The following ATP2B2 variants were observed in gnomAD, a reference collection of about 807,000 sequenced individuals.
The protein encoded by ATP2B2 is ATPase plasma membrane Ca2+ transporting 2, also known as plasma membrane calcium-transporting ATPase 2.
Under a neutral mutation model 120.0 loss-of-function variants are expected in ATP2B2, and 15 were observed. The observed-to-expected ratio is 0.12, with a 90% confidence interval of 0.08 to 0.19. The LOEUF is 0.19. Among genes scored for constraint, ATP2B2 ranks in the 10% least tolerant of loss-of-function variants. ATP2B2 has a pLI of 1.00. For missense variants in ATP2B2, 1,045 were observed against 1,719.8 expected (o/e 0.61, Z 6.94); for synonymous variants, 694 against 700.3 (o/e 0.99, Z 0.14).
intron 3 of ATP2B2, among the ~76,000 whole-genome samples, chr3:10,410,275 G>T (rs1374833726): frequency 6.6e-6 from 1 of 152,142 alleles, no homozygotes; most frequent in Non-Finnish European, 1.5e-5. Flanking sequence ...TGAACCCAGG[G>T]TTTCCTCATC....
At chr3:10,361,016 G>A (rs2060882886) in intron 12 of ATP2B2, among the ~76,000 whole-genome samples, 2 of 152,130 alleles carry the variant, frequency 1.3e-5, no homozygotes, top group African/African-American at 4.8e-5. Flanking sequence ...CATACAGTCT[G>A]TAACTTTCGG....
At position 10,668,741 on chromosome 3, in the gene ATP2B2, C is replaced by T. The variant is rs1559512744; in HGVS notation, c.-460+39174G>A. ...GCACATCCCACCATCTAACAACCTC[C>T]TGCATTCCGCTTGCTGTCTGTCACT... On this transcript the variant is annotated intron_variant, in intron 1 of 21. Coordinates refer to the ATP2B2 transcript ENST00000646379. Among the ~76,000 whole-genome samples, 4 of 152,328 alleles carry T rather than the reference C, an allele frequency of 2.6e-5. No individual in the cohort carries two copies. In the South Asian group the frequency reaches 8.3e-4, roughly 32 times the overall value.
chr3:10,654,403 T>C (rs1054527363), intron 1 of ATP2B2, among the ~76,000 whole-genome samples: 1 of 152,078 alleles, frequency 6.6e-6, no homozygotes. Flanking sequence ...GCTGGCTGAC[T>C]CAAGGAGGAG....
At chr3:10,434,272 AG>A (rs1360160461) in intron 2 of ATP2B2, among the ~76,000 whole-genome samples, 4 of 152,270 alleles carry the variant, frequency 2.6e-5, no homozygotes, top group Admixed American at 6.5e-5. Context: ...GTAGTTTCAA[AG>A]GAAGCTCTGG....
At chr3:10,644,443 A>G (rs183040706) in intron 1 of ATP2B2, among the ~76,000 whole-genome samples, 4 of 152,214 alleles carry the variant, frequency 2.6e-5, no homozygotes, top group African/African-American at 7.2e-5. Flanking sequence ...CAGGGACTCA[A>G]ACAAATATAG....
intron 2 of ATP2B2, among the ~76,000 whole-genome samples, chr3:10,563,085 C>G (rs200851524): frequency 6.6e-6 from 1 of 152,176 alleles, no homozygotes; most frequent in African/African-American, 2.4e-5. Context: ...TTCTGTTTTT[C>G]CTTTTTTAAA....
intron 1 of ATP2B2, among the ~76,000 whole-genome samples, chr3:10,681,416 T>C (rs1023489153): frequency 6.6e-6 from 1 of 152,150 alleles, no homozygotes; most frequent in African/African-American, 2.4e-5. Flanking sequence ...TGCACCCCCA[T>C]TGATCCTCAC....
intron 3 of ATP2B2, among the ~76,000 whole-genome samples, chr3:10,527,555 G>C (rs540232016): frequency 2.9e-3 from 439 of 152,242 alleles, no homozygotes; most frequent in Non-Finnish European, 4.0e-3. Context: ...GCCTGGGCCA[G>C]GGCTTGCCCT....
Position 10,378,519 on chromosome 3 carries a change from G to A in ATP2B2, c.1043-109C>T, listed in dbSNP as rs1225201431. On this transcript the variant is annotated intron_variant, in intron 9 of 22. Transcript: ENST00000360273. ...ACCCACCCCTGCCTGCCCAGGGTAG[G>A]TGCTGACTGCCTGGACTGAGCCCCG... 5 of 1,453,492 alleles carry A rather than the reference G, an allele frequency of 3.4e-6. No homozygotes were observed. The African/African-American group carries it at 4.2e-5, about 12-fold the overall frequency. The allele number at this position is 1,453,492 out of a possible 1,614,324, so 90.0% of individuals were successfully genotyped here.
chr3:10,443,657 T>G (rs1301794578), intron 2 of ATP2B2, among the ~76,000 whole-genome samples: 1 of 152,194 alleles, frequency 6.6e-6, no homozygotes, highest in Non-Finnish European at 1.5e-5. Context: ...TGACAGCATT[T>G]GAGGTCCTGG....
chr3:10,590,549 C>A (rs1337949590), intron 2 of ATP2B2, among the ~76,000 whole-genome samples: 1 of 152,226 alleles, frequency 6.6e-6, no homozygotes, highest in Non-Finnish European at 1.5e-5. Context: ...GTGCCTGCCT[C>A]CCCTGCATGA....
chr3:10,396,566 G>A lies in ATP2B2; in HGVS notation c.781+4387C>T, dbSNP rs1266121947. 3.3e-5 allele frequency among the ~76,000 whole-genome samples: 5 copies of A among 152,250 alleles called. No homozygotes were observed. The East Asian group carries it at 9.6e-4, about 29-fold the overall frequency. ...GGCCCAGCAAGGCCTCCCCGCTGATGTAAAGGGCCCATGGTGTCTGGTTGT... is the reference window on the plus strand; with the variant it reads ...GGCCCAGCAAGGCCTCCCCGCTGATATAAAGGGCCCATGGTGTCTGGTTGT... On this transcript the variant is annotated intron_variant, in intron 5 of 22. Coordinates refer to ENST00000360273, the MANE Select transcript of ATP2B2 (RefSeq NM_001001331.4).
At chr3:10,466,250 C>T (rs1162508367) in intron 1 of ATP2B2, among the ~76,000 whole-genome samples, 1 of 152,192 alleles carries the variant, frequency 6.6e-6, no homozygotes, top group Admixed American at 6.5e-5. Context: ...TGTTTTATGA[C>T]CTACTATCAG....
intron 2 of ATP2B2, among the ~76,000 whole-genome samples, chr3:10,590,762 A>G (rs1358124793): frequency 1.3e-5 from 2 of 152,226 alleles, no homozygotes; most frequent in African/African-American, 4.8e-5. Flanking sequence ...TGCTCACAAC[A>G]TCAGCGTGGA....
At chr3:10,531,537 C>T (rs778646933) in intron 3 of ATP2B2, among the ~76,000 whole-genome samples, 69 of 152,276 alleles carry the variant, frequency 4.5e-4, no homozygotes, top group Middle Eastern at 6.8e-3. Context: ...AATTTTAAAG[C>T]ATTTAGAACA....
intron 1 of ATP2B2, among the ~76,000 whole-genome samples, chr3:10,707,293 G>A (rs1410898776): frequency 1.3e-5 from 2 of 152,214 alleles, no homozygotes; most frequent in East Asian, 1.9e-4. Context: ...GTGGCCAGGG[G>A]GGCCAGGAGG....
intron 2 of ATP2B2, among the ~76,000 whole-genome samples, chr3:10,412,017 C>T (rs529192686): frequency 2.0e-5 from 3 of 152,340 alleles, no homozygotes; most frequent in South Asian, 2.1e-4. Context: ...GAATAAAGCC[C>T]GTGTTTCCCA....
intron 1 of ATP2B2, among the ~76,000 whole-genome samples, chr3:10,653,276 C>T (rs1045300236): frequency 3.3e-5 from 5 of 152,164 alleles, no homozygotes; most frequent in African/African-American, 7.2e-5. Context: ...GTGAAAGCCA[C>T]GCAGCCACTC....
At chr3:10,418,895 G>A (rs1575171537) in intron 2 of ATP2B2, among the ~76,000 whole-genome samples, 1 of 152,340 alleles carries the variant, frequency 6.6e-6, no homozygotes, top group East Asian at 1.9e-4. Flanking sequence ...GGGCAGAACT[G>A]TTTCCAGGAG....
Sources: gnomAD v4.1 joint callset for allele counts (sites outside exome capture counted in the v4.1 genomes callset) on GRCh38, gnomAD v4.1.1 for gene constraint, MANE v1.5 for transcripts, NCBI Gene and HGNC (gene_info 2026-07-23, HGNC 2026-07-21) for gene names.